Variants in ADGRV1 observed in about 807,000 individuals in gnomAD.
ADGRV1 encodes adhesion G protein-coupled receptor V1.
ADGRV1 carries 359 observed loss-of-function variants against 596.2 expected under a neutral mutation model. The observed-to-expected ratio is 0.60, with a 90% CI of 0.55 to 0.66. The LOEUF is 0.66. Among genes scored for constraint, ADGRV1 ranks in the 30% least tolerant of loss-of-function variants. The probability of loss-of-function intolerance (pLI) is 0.00; values close to 1 mark genes in which losing one functional copy is unlikely to be tolerated. For missense variants in ADGRV1, 7,274 were observed against 7,575.6 expected (o/e 0.96, Z 1.48); for synonymous variants, 2,681 against 2,679.2 (o/e 1.00, Z -0.02).
In ADGRV1 at chr5:90,627,341, G is replaced by T. The variant is rs371910473; in HGVS notation, c.803G>T (p.Ser268Ile). 5.6e-6 allele frequency: 9 copies of T among 1,613,790 alleles called. No homozygotes were observed. The highest frequency in any genetic ancestry group is 7.6e-6 in the Non-Finnish European group (9 of 1,179,832). The change falls in exon 7 of 90, where the codon AGT becomes ATT. Residue 268 changes from serine to isoleucine, a missense_variant. Transcript: ENST00000405460. ...KNDSPVRFLQSIYLVPEEDHI... is the reference protein window; with the variant it reads ...KNDSPVRFLQIIYLVPEEDHI... ...GATAGTCCCGTGAGATTCCTTCAGA[G>T]TATTTATTTGGTTCCTGAGGAAGAC... is the stretch of plus-strand genomic sequence containing the variant.
At chr5:91,074,531 T>A (rs1788679370) in intron 86 of ADGRV1, among the ~76,000 whole-genome samples, 1 of 152,224 alleles carries the variant, frequency 6.6e-6, no homozygotes. Flanking sequence ...TGCATAATAT[T>A]CCATGGTGTA....
intron 28 of ADGRV1, among the ~76,000 whole-genome samples, chr5:90,684,405 A>G (rs1745340897): frequency 6.6e-6 from 1 of 152,176 alleles, no homozygotes; most frequent in South Asian, 2.1e-4. Context: ...AGAAAGTAAG[A>G]TGGGAACTTT....
intron 84 of ADGRV1, among the ~76,000 whole-genome samples, chr5:90,978,443 A>C (rs116781289): frequency 0.011 from 1,645 of 152,190 alleles, 35 homozygotes; most frequent in African/African-American, 0.038. Context: ...AGTCTTCTAA[A>C]ATTCTTTCTG....
chr5:91,138,047 TG>T (rs1794787075), intron 87 of ADGRV1, among the ~76,000 whole-genome samples: 1 of 152,048 alleles, frequency 6.6e-6, no homozygotes, highest in Non-Finnish European at 1.5e-5. Context: ...TTGAGTGAAA[TG>T]GGGTGATGCT....
At chr5:90,708,689 T>C in intron 38 of ADGRV1, 127 bp from the exon 39 acceptor site, 1 of 522,520 alleles carries the variant, frequency 1.9e-6, no homozygotes, top group Non-Finnish European at 3.4e-6. Context: ...TTTACATCTG[T>C]CTACTTTATG....
chr5:91,137,001 T>TA (rs1176553389), intron 87 of ADGRV1, among the ~76,000 whole-genome samples: 2 of 152,230 alleles, frequency 1.3e-5, no homozygotes, highest in African/African-American at 4.8e-5. Context: ...ATGCTCTGTT[T>TA]AAAAATGTAC....
rs1281760347 is a variant in ADGRV1, at chr5:90,778,046, A to G, written c.12666+3A>G. The G allele has an allele frequency of 6.4e-7, 1 of 1,558,262 alleles. No homozygotes were observed. Among genetic ancestry groups the G allele is most frequent in the South Asian group, 1.2e-5 (1 of 84,720 alleles). On this transcript the variant is annotated splice_donor_region_variant and intron_variant, in intron 62 of 89. Transcript: ENST00000405460. ...CTGCAGTCATTGTAGTAATACAGGT[A>G]TCAATATTAGCTGGTTTCTTTTATG...
chr5:90,902,947 T>C (rs1344254300), intron 83 of ADGRV1, among the ~76,000 whole-genome samples: 1 of 152,114 alleles, frequency 6.6e-6, no homozygotes, highest in Non-Finnish European at 1.5e-5. Context: ...TGAAACTATT[T>C]CGAAAGGGAT....
intron 21 of ADGRV1, among the ~76,000 whole-genome samples, chr5:90,668,461 G>T (rs994540531): frequency 3.9e-5 from 6 of 152,312 alleles, no homozygotes; most frequent in Non-Finnish European, 8.8e-5. Flanking sequence ...GCCTCACCCT[G>T]CTTCGGCTCC....
intron 67 of ADGRV1, among the ~76,000 whole-genome samples, chr5:90,784,749 A>G (rs1408182261): frequency 6.6e-6 from 1 of 152,150 alleles, no homozygotes; most frequent in Non-Finnish European, 1.5e-5. Flanking sequence ...AAAGATGTCC[A>G]TTGCTCAATG....
At chr5:91,142,732 A>T (rs1301128521) in intron 87 of ADGRV1, among the ~76,000 whole-genome samples, 1 of 152,218 alleles carries the variant, frequency 6.6e-6, no homozygotes, top group Non-Finnish European at 1.5e-5. Context: ...CGTCAAGAAC[A>T]TTTATTAACT....
intron 87 of ADGRV1, among the ~76,000 whole-genome samples, chr5:91,139,832 C>G (rs1794950072): frequency 6.6e-6 from 1 of 152,124 alleles, no homozygotes; most frequent in Admixed American, 6.5e-5. Context: ...GAACAAATGC[C>G]TCTTTCTCTT....
intron 10 of ADGRV1, among the ~76,000 whole-genome samples, chr5:90,635,686 G>A (rs759349783): frequency 6.6e-6 from 1 of 151,910 alleles, no homozygotes; most frequent in Non-Finnish European, 1.5e-5. Context: ...TCTGCCCCGG[G>A]CTCAATAGAT....
intron 86 of ADGRV1, among the ~76,000 whole-genome samples, chr5:91,080,547 A>G (rs909899605): frequency 6.6e-6 from 1 of 151,048 alleles, no homozygotes; most frequent in South Asian, 2.1e-4. Flanking sequence ...CTAATTTCAT[A>G]AAAGTAGTAT....
In ADGRV1 at chr5:90,816,115, C is replaced by T. The variant is rs150372775; in HGVS notation, c.16196+379C>T. Reference sequence around the variant, plus strand: ...CATCTTTAGATGCTCATCACATACACGTGCTTGGTATGCACACATGCACAT... The same window carrying T: ...CATCTTTAGATGCTCATCACATACATGTGCTTGGTATGCACACATGCACAT... On this transcript the variant is annotated intron_variant, in intron 75 of 89. Transcript: ENST00000405460. Among the ~76,000 whole-genome samples, 1,085 of 152,284 alleles carry T rather than the reference C, an allele frequency of 7.1e-3. 9 individuals are homozygous for T. Among genetic ancestry groups the T allele is most frequent in the African/African-American group, 0.024 (997 of 41,558 alleles).
intron 27 of ADGRV1, 117 bp from the exon 28 acceptor site, chr5:90,683,469 C>A: frequency 1.2e-6 from 1 of 814,652 alleles, no homozygotes; most frequent in Non-Finnish European, 1.9e-6. Context: ...GTCTTGTAGT[C>A]TGGAGAAGAA....
intron 83 of ADGRV1, among the ~76,000 whole-genome samples, chr5:90,870,247 T>G (rs746249158): frequency 1.3e-4 from 20 of 152,214 alleles, no homozygotes; most frequent in Non-Finnish European, 1.8e-4. Context: ...GCACTGAATT[T>G]AGTGATTTAC....
At chr5:91,033,364 T>C (rs1784629889) in intron 85 of ADGRV1, among the ~76,000 whole-genome samples, 1 of 152,192 alleles carries the variant, frequency 6.6e-6, no homozygotes, top group African/African-American at 2.4e-5. Flanking sequence ...CTACATGATT[T>C]AAAGATTCCA....
chr5:91,104,918 G>A (rs920169128), intron 87 of ADGRV1, among the ~76,000 whole-genome samples: 7 of 140,008 alleles, frequency 5.0e-5, no homozygotes, highest in African/African-American at 1.8e-4. Flanking sequence ...GGAATGCAGT[G>A]GCGCGAACTC....
Sources: allele counts gnomAD v4.1 joint callset (sites outside exome capture counted in the v4.1 genomes callset), GRCh38; gene constraint gnomAD v4.1.1; transcripts MANE v1.5; gene names NCBI Gene and HGNC (gene_info 2026-07-23, HGNC 2026-07-21).